MAGI1: variants seen among roughly 807,000 people sequenced by gnomAD.
MAGI1 encodes membrane associated guanylate kinase, WW and PDZ domain containing 1.
Under a neutral mutation model 139.9 loss-of-function variants are expected in MAGI1, and 58 were observed. The observed-to-expected ratio is 0.41, with a 90% CI of 0.34 to 0.52. The LOEUF (loss-of-function observed/expected upper bound fraction) is 0.52, where lower values mean the gene tolerates loss of function less well. Ranked by LOEUF, MAGI1 falls within the 20% of genes least tolerant of loss-of-function variation. MAGI1 has a pLI of 0.12. For missense variants in MAGI1, 1,874 were observed against 1,901.6 expected, an observed-to-expected ratio of 0.99 and a Z score of 0.27; for synonymous variants, 812 against 737.9, an observed-to-expected ratio of 1.10 and a Z score of -1.63.
At chr3:65,732,970 G>T (rs568996790) in intron 1 of MAGI1, among the ~76,000 whole-genome samples, 61 of 152,312 alleles carry the variant, frequency 4.0e-4, no homozygotes, top group African/African-American at 1.4e-3. Flanking sequence ...CATTAATGGG[G>T]TAAGAATCTA....
chr3:65,578,445 T>C (rs1199560635), intron 2 of MAGI1, among the ~76,000 whole-genome samples: 1 of 152,210 alleles, frequency 6.6e-6, no homozygotes, highest in Non-Finnish European at 1.5e-5. Flanking sequence ...TTTTGCAGGT[T>C]CCAAATCTTG....
intron 2 of MAGI1, among the ~76,000 whole-genome samples, chr3:65,561,916 C>T (rs2080370859): frequency 6.6e-6 from 1 of 152,166 alleles, no homozygotes; most frequent in Admixed American, 6.5e-5. Flanking sequence ...TACTCTCGTT[C>T]AACCACAGTT....
chr3:65,418,512 T>C (rs1195309762), intron 12 of MAGI1, among the ~76,000 whole-genome samples: 1 of 152,166 alleles, frequency 6.6e-6, no homozygotes, highest in Admixed American at 6.5e-5. Context: ...TTACACAGAC[T>C]AACCCCAAGG....
intron 16 of MAGI1, chr3:65,380,890 A>C (rs966025803): frequency 6.6e-6 from 1 of 152,168 alleles, no homozygotes. Flanking sequence ...TCTTAATTCT[A>C]TAATTAATCA....
intron 1 of MAGI1, among the ~76,000 whole-genome samples, chr3:65,676,807 A>C (rs1426301271): frequency 6.6e-6 from 1 of 152,212 alleles, no homozygotes; most frequent in Non-Finnish European, 1.5e-5. Context: ...TGAATCTGTC[A>C]ATGAATCACA....
chr3:65,629,139 C>A (rs2084145149), intron 1 of MAGI1, among the ~76,000 whole-genome samples: 1 of 151,862 alleles, frequency 6.6e-6, no homozygotes, highest in African/African-American at 2.4e-5. Context: ...ATGAGGGGAC[C>A]CTGCTTGGAC....
chr3:65,896,300 CAA>C (rs113756012), intron 1 of MAGI1, among the ~76,000 whole-genome samples: 2 of 135,178 alleles, frequency 1.5e-5, no homozygotes, highest in Admixed American at 7.5e-5. Flanking sequence ...GTAATCACGA[CAA>C]AAAAAAAAAA....
chr3:65,527,425 T>C (rs1006429655), intron 2 of MAGI1, among the ~76,000 whole-genome samples: 4 of 151,638 alleles, frequency 2.6e-5, no homozygotes, highest in African/African-American at 9.7e-5. Context: ...ACTGAAAATA[T>C]AAAACTTAGC....
At position 65,453,160 on chromosome 3, in the gene MAGI1, A is replaced by G. The variant is rs1949144527; in HGVS notation, c.1042+98T>C. 1.1e-5 allele frequency: 11 copies of G among 1,022,614 alleles called. No homozygotes were observed. The South Asian group carries it at 1.5e-4, about 14-fold the overall frequency. The allele number at this position is 1,022,614 out of a possible 1,614,324, so 63.3% of individuals were successfully genotyped here. A position where few individuals can be genotyped will look rare whatever the true frequency, so the allele number is the denominator to read the frequency against. On this transcript the variant is annotated intron_variant, in intron 6 of 22. Coordinates refer to ENST00000402939, the MANE Select transcript of MAGI1 (RefSeq NM_001033057.2). Reference sequence around the variant, plus strand: ...AAATTGGATTACCTTTTAAAAACTCAACATAAGACCCGACTGACCTGGCTA... The same window carrying G: ...AAATTGGATTACCTTTTAAAAACTCGACATAAGACCCGACTGACCTGGCTA...
chr3:65,407,522 C>T (rs529259167), intron 12 of MAGI1, among the ~76,000 whole-genome samples: 39 of 150,618 alleles, frequency 2.6e-4, no homozygotes, highest in Admixed American at 9.3e-4. Context: ...TATATCAATA[C>T]GATGAAAAAT....
chr3:65,782,545 A>T (rs1427692448), intron 1 of MAGI1, among the ~76,000 whole-genome samples: 3 of 134,384 alleles, frequency 2.2e-5, no homozygotes, highest in African/African-American at 8.2e-5. Context: ...CTACTGAGTT[A>T]TTGTTCCTAA....
intron 2 of MAGI1, among the ~76,000 whole-genome samples, chr3:65,523,431 G>A (rs891341102): frequency 2.6e-5 from 4 of 151,742 alleles, no homozygotes; most frequent in East Asian, 3.9e-4. Context: ...GGCGAAGAGA[G>A]GGAGGCAAGG....
At chr3:65,786,690 C>A (rs1282975388) in intron 1 of MAGI1, among the ~76,000 whole-genome samples, 2 of 150,286 alleles carry the variant, frequency 1.3e-5, no homozygotes, top group Non-Finnish European at 2.9e-5. Flanking sequence ...CCGCTCACTG[C>A]AAGCTCTGCC....
chr3:65,484,017 G>C (rs1255944111), intron 3 of MAGI1, among the ~76,000 whole-genome samples: 1 of 152,158 alleles, frequency 6.6e-6, no homozygotes, highest in Non-Finnish European at 1.5e-5. Context: ...TTTCCTTACA[G>C]AAAACCTTTT....
intron 3 of MAGI1, among the ~76,000 whole-genome samples, chr3:65,491,656 GACA>G (rs1410145372): frequency 2.0e-5 from 3 of 152,016 alleles, no homozygotes; most frequent in Non-Finnish European, 4.4e-5. Flanking sequence ...ACAGCATGCT[GACA>G]ACATGTTGAA....
chr3:65,403,518 A>G (rs1945077713), intron 12 of MAGI1, among the ~76,000 whole-genome samples: 5 of 152,196 alleles, frequency 3.3e-5, no homozygotes, highest in Admixed American at 3.3e-4. Flanking sequence ...ATAAACTTCA[A>G]AATTATATAA....
intron 1 of MAGI1, among the ~76,000 whole-genome samples, chr3:65,923,545 T>G (rs924477187): frequency 6.6e-6 from 1 of 152,010 alleles, no homozygotes; most frequent in South Asian, 2.1e-4. Context: ...TCTTAAATAA[T>G]AAACATCATA....
chr3:65,473,639 C>CAA (rs35970775), intron 4 of MAGI1, among the ~76,000 whole-genome samples: 1,372 of 87,316 alleles, frequency 0.016, 77 homozygotes, highest in African/African-American at 0.034. Flanking sequence ...TACATGTTTA[C>CAA]AAAAAAAAAA....
intron 1 of MAGI1, among the ~76,000 whole-genome samples, chr3:65,991,302 A>AG (rs1576383762): frequency 7.7e-6 from 1 of 130,330 alleles, no homozygotes; most frequent in African/African-American, 3.5e-5. Flanking sequence ...AAAAAAAAAA[A>AG]AAGGTAAAAA....
Sources: gnomAD v4.1 joint callset for allele counts (sites outside exome capture counted in the v4.1 genomes callset) on GRCh38, gnomAD v4.1.1 for gene constraint, MANE v1.5 for transcripts, NCBI Gene and HGNC (gene_info 2026-07-23, HGNC 2026-07-21) for gene names.